Variants in PTPRN2 observed in about 807,000 individuals in gnomAD.
PTPRN2 encodes protein tyrosine phosphatase receptor type N2.
In PTPRN2, 74 loss-of-function variants were observed where a neutral mutation model predicts 118.8. That is an observed-to-expected ratio of 0.62 (90% CI 0.52 to 0.76). The LOEUF is 0.76. Among genes scored for constraint, PTPRN2 ranks in the 30% least tolerant of loss-of-function variants. The pLI, the probability that PTPRN2 is intolerant of heterozygous loss-of-function variation, is 0.00. For synonymous variants in PTPRN2, 641 were observed against 608.0 expected (o/e 1.05, Z -0.80); for missense variants, 1,481 against 1,394.4 (o/e 1.06, Z -0.99).
chr7:158,307,289 T>C lies in PTPRN2; in HGVS notation c.277+9530A>G, dbSNP rs574837592. ...TGAATAAAAAGATAGAAATTATATT[T>C]CAAAAATAATTGAAAAATTCAGTAC... On this transcript the variant is annotated intron_variant, in intron 3 of 22. Transcript: ENST00000389418. Among the ~76,000 whole-genome samples, 2 of 152,158 alleles carry C rather than the reference T, an allele frequency of 1.3e-5. 1 individual carries two copies. Among genetic ancestry groups the C allele is most frequent in the South Asian group, 4.1e-4 (2 of 4,828 alleles).
At chr7:158,171,066 CATTATAT>C (rs1432932551) in intron 5 of PTPRN2, among the ~76,000 whole-genome samples, 3 of 132,776 alleles carry the variant, frequency 2.3e-5, no homozygotes, top group Non-Finnish European at 4.6e-5. Flanking sequence ...CATATATACA[CATTATAT>C]ACACATATAT....
At chr7:157,626,238 G>A (rs1803561980) in intron 14 of PTPRN2, among the ~76,000 whole-genome samples, 4 of 152,102 alleles carry the variant, frequency 2.6e-5, no homozygotes, top group African/African-American at 9.7e-5. Context: ...CTTTTTCACT[G>A]AACGACCAGG....
intron 12 of PTPRN2, among the ~76,000 whole-genome samples, chr7:157,875,640 C>T (rs901487876): frequency 6.6e-6 from 1 of 152,188 alleles, no homozygotes; most frequent in Non-Finnish European, 1.5e-5. Context: ...GTGCAGGAGG[C>T]GAGCAAGTGT....
intron 11 of PTPRN2, among the ~76,000 whole-genome samples, chr7:157,994,363 C>T (rs1804487878): frequency 6.6e-6 from 1 of 152,196 alleles, no homozygotes; most frequent in Admixed American, 6.5e-5. Flanking sequence ...AAACAAACAA[C>T]ACATCTTAGG....
In PTPRN2 at chr7:157,590,708, A is replaced by T. The variant is rs1260419069; in HGVS notation, c.2496+4530T>A. 6.6e-6 allele frequency among the ~76,000 whole-genome samples: 1 copy of T among 151,834 alleles called. No individual in the cohort carries two copies. Among genetic ancestry groups the T allele is most frequent in the Non-Finnish European group, 1.5e-5 (1 of 67,954 alleles). On this transcript the variant is annotated intron_variant, in intron 17 of 22. Transcript: ENST00000389418. The surrounding 1 kb of genome is among the most constrained non-coding windows in gnomAD (Gnocchi z 4.0). ...CTGGGGGAGAGGCTGGTGAGCATGG[A>T]GTGACCTCGATGCCCCATGCTCACC...
chr7:157,623,073 T>C (rs987489230), intron 14 of PTPRN2, among the ~76,000 whole-genome samples: 1 of 152,220 alleles, frequency 6.6e-6, no homozygotes, highest in Non-Finnish European at 1.5e-5. Context: ...GTTGTGAAAT[T>C]AGGCAAAATT....
chr7:157,567,821 G>A (rs1433790739), intron 21 of PTPRN2, among the ~76,000 whole-genome samples: 1 of 152,120 alleles, frequency 6.6e-6, no homozygotes, highest in Non-Finnish European at 1.5e-5. Flanking sequence ...AACGGGTATC[G>A]CAAGGCTAAT....
intron 6 of PTPRN2, among the ~76,000 whole-genome samples, chr7:158,146,723 A>G (rs537704193): frequency 2.7e-4 from 40 of 149,972 alleles, no homozygotes; most frequent in Admixed American, 1.5e-3. Context: ...TCTGCCTCAA[A>G]AAAAAAAAAA....
chr7:157,789,909 TGTG>T (rs1804337243), intron 12 of PTPRN2, among the ~76,000 whole-genome samples: 1 of 149,176 alleles, frequency 6.7e-6, no homozygotes, highest in Non-Finnish European at 1.5e-5. Context: ...TGTGTGGTGC[TGTG>T]TGTGTGGTAT....
chr7:157,880,297 TA>T (rs1305991836), intron 12 of PTPRN2, among the ~76,000 whole-genome samples: 26 of 152,154 alleles, frequency 1.7e-4, no homozygotes, highest in African/African-American at 6.0e-4. Context: ...ATTTCTAAAA[TA>T]AATTCATTAC....
Position 157,840,365 on chromosome 7 carries a change from C to T in PTPRN2, c.1788+58308G>A, listed in dbSNP as rs1480042785. The stretch of plus-strand genomic sequence containing the variant: ...GTGTGGCCGCGTGTGACTGTGTGGC[C>T]GCGTGTGACTGTGTGACCGCGTGTG... On this transcript the variant is annotated intron_variant, in intron 12 of 22. Coordinates refer to ENST00000389418, the MANE Select transcript of PTPRN2 (RefSeq NM_002847.5). Among the ~76,000 whole-genome samples the T allele has an allele frequency of 3.3e-3, 415 of 127,190 alleles. 4 individuals are homozygous for T. The highest frequency in any genetic ancestry group is 0.012 in the African/African-American group (388 of 31,710). The allele number at this position is 127,190 out of a possible 152,430, so 83.4% of individuals were successfully genotyped here.
At chr7:158,071,437 TGG>T (rs1811606593) in intron 11 of PTPRN2, among the ~76,000 whole-genome samples, 9 of 124,110 alleles carry the variant, frequency 7.3e-5, no homozygotes, top group African/African-American at 2.5e-4. Context: ...GTGCTCGTGG[TGG>T]TGGAGGTGCT....
At chr7:157,822,681 T>C (rs1161351775) in intron 12 of PTPRN2, among the ~76,000 whole-genome samples, 1 of 151,686 alleles carries the variant, frequency 6.6e-6, no homozygotes, top group Non-Finnish European at 1.5e-5. Flanking sequence ...ATCTACACAC[T>C]ATCCATTATC....
chr7:158,140,817 C>G (rs1488472914), intron 6 of PTPRN2, among the ~76,000 whole-genome samples: 1 of 152,238 alleles, frequency 6.6e-6, no homozygotes, highest in Non-Finnish European at 1.5e-5. Flanking sequence ...TCCCCCTCAA[C>G]AGCAGCAATA....
At chr7:158,579,293 T>C (rs112276685) in intron 1 of PTPRN2, among the ~76,000 whole-genome samples, 1 of 152,260 alleles carries the variant, frequency 6.6e-6, no homozygotes, top group East Asian at 1.9e-4. Context: ...CATCTGAGAC[T>C]TGGATTTTCT....
At chr7:158,391,071 T>A (rs1351535051) in intron 2 of PTPRN2, among the ~76,000 whole-genome samples, 2 of 152,210 alleles carry the variant, frequency 1.3e-5, no homozygotes, top group African/African-American at 4.8e-5. Context: ...TAGATTTTCT[T>A]CCCTCTTGCG....
At chr7:158,331,274 A>ACGCCCG (rs1804378574) in intron 2 of PTPRN2, among the ~76,000 whole-genome samples, 1 of 148,406 alleles carries the variant, frequency 6.7e-6, no homozygotes, top group Non-Finnish European at 1.5e-5. Context: ...ATAAGAGCTG[A>ACGCCCG]CACCCGCAGA....
chr7:158,090,788 A>G (rs1814053358), intron 10 of PTPRN2, among the ~76,000 whole-genome samples: 2 of 152,172 alleles, frequency 1.3e-5, no homozygotes, highest in Admixed American at 1.3e-4. Flanking sequence ...TTTTTCCCCT[A>G]CTTTTATGAG....
At position 158,137,659 on chromosome 7, in the gene PTPRN2, T is replaced by C. The variant is rs1818950609; in HGVS notation, c.1132+635A>G. On this transcript the variant is annotated intron_variant, in intron 7 of 22. Coordinates refer to ENST00000389418, the MANE Select transcript of PTPRN2 (RefSeq NM_002847.5). ...ACCCTGCCTGTCAGCCAAGTCAGGC[T>C]TCCAGCTTCCAGCAAGGCCCCCTCT... is the stretch of plus-strand genomic sequence containing the variant. 2.0e-5 allele frequency among the ~76,000 whole-genome samples: 3 copies of C among 152,262 alleles called. No homozygotes were observed. In the South Asian group the frequency reaches 6.2e-4, roughly 32 times the overall value.
Sources: allele counts gnomAD v4.1 joint callset (sites outside exome capture counted in the v4.1 genomes callset), GRCh38; gene constraint gnomAD v4.1.1; non-coding constraint Gnocchi (gnomAD v3.1); transcripts MANE v1.5; gene names NCBI Gene and HGNC (gene_info 2026-07-23, HGNC 2026-07-21).